Variants in PTPN5 observed in about 807,000 individuals in gnomAD.
The protein encoded by PTPN5 is protein tyrosine phosphatase non-receptor type 5, also known as tyrosine-protein phosphatase non-receptor type 5.
Under a neutral mutation model 73.9 loss-of-function variants are expected in PTPN5, and 29 were observed. The observed-to-expected ratio is 0.39, with a 90% CI of 0.29 to 0.54. PTPN5 has a LOEUF of 0.54. PTPN5 is among the 20% of genes least tolerant of loss of function. The probability of loss-of-function intolerance (pLI) is 0.65; values close to 1 mark genes in which losing one functional copy is unlikely to be tolerated. For missense variants in PTPN5, 652 were observed against 751.4 expected (o/e 0.87, Z 1.55); for synonymous variants, 267 against 304.7 (o/e 0.88, Z 1.29).
intron 2 of PTPN5, among the ~76,000 whole-genome samples, chr11:18,768,815 AAAT>A (rs1171779496): frequency 6.6e-6 from 1 of 152,150 alleles, no homozygotes; most frequent in Non-Finnish European, 1.5e-5. Flanking sequence ...TTTCCAAAGA[AAAT>A]ACATGGCCCA....
intron 9 of PTPN5, among the ~76,000 whole-genome samples, chr11:18,734,300 GT>G (rs1018002740): frequency 6.6e-6 from 1 of 151,844 alleles, no homozygotes; most frequent in Non-Finnish European, 1.5e-5. Context: ...ATGCAAAAAG[GT>G]TTTTTTTCCT....
chr11:18,739,341 G>T (rs769196422), intron 8 of PTPN5, among the ~76,000 whole-genome samples: 1 of 152,206 alleles, frequency 6.6e-6, no homozygotes, highest in African/African-American at 2.4e-5. Context: ...CTCAGAGAAG[G>T]AGCTGAGGCT....
At chr11:18,754,242 G>A (rs1397197287) in intron 3 of PTPN5, among the ~76,000 whole-genome samples, 1 of 152,156 alleles carries the variant, frequency 6.6e-6, no homozygotes. Flanking sequence ...AACAACGAAC[G>A]GAAATTGAGG....
intron 2 of PTPN5, among the ~76,000 whole-genome samples, chr11:18,767,471 A>C (rs1850691881): frequency 6.6e-6 from 1 of 152,124 alleles, no homozygotes; most frequent in Non-Finnish European, 1.5e-5. Context: ...CTCCCTCCCC[A>C]TCTTGGTCCC....
chr11:18,773,440 T>C lies in PTPN5; in HGVS notation c.-113-1369A>G, dbSNP rs555923438. ...CTGAGTGCATAGAGAGGGCTGGATC[T>C]CAGCCTGCAGGGCTTCCGCTGCACC... On this transcript the variant is annotated intron_variant, in intron 1 of 14. Transcript: ENST00000358540. Among the ~76,000 whole-genome samples, 198 of 152,180 alleles carry C rather than the reference T, an allele frequency of 1.3e-3. 1 individual carries two copies. Among genetic ancestry groups the C allele is most frequent in the Non-Finnish European group, 2.4e-3 (161 of 67,994 alleles).
intron 3 of PTPN5, among the ~76,000 whole-genome samples, chr11:18,762,081 G>T (rs78225359): frequency 0.022 from 3,345 of 152,294 alleles, 59 homozygotes; most frequent in Middle Eastern, 0.048. Context: ...TGGGGCATTG[G>T]GGGGAGCTCC....
intron 3 of PTPN5, among the ~76,000 whole-genome samples, chr11:18,754,062 T>C (rs1850016686): frequency 6.6e-6 from 1 of 151,752 alleles, no homozygotes; most frequent in Non-Finnish European, 1.5e-5. Flanking sequence ...AGTAAATAAG[T>C]GAATAAAACT....
At chr11:18,766,785 C>A (rs1355589233) in intron 2 of PTPN5, among the ~76,000 whole-genome samples, 1 of 152,194 alleles carries the variant, frequency 6.6e-6, no homozygotes, top group Non-Finnish European at 1.5e-5. Flanking sequence ...GCCTTGTCTG[C>A]CTTTCATGTC....
At chr11:18,762,103 G>A (rs1398723737) in intron 3 of PTPN5, among the ~76,000 whole-genome samples, 2 of 152,184 alleles carry the variant, frequency 1.3e-5, no homozygotes, top group Non-Finnish European at 2.9e-5. Flanking sequence ...AGGGAGTGTT[G>A]GTGATGCTGA....
intron 3 of PTPN5, chr11:18,749,462 G>T: frequency 4.0e-6 from 2 of 505,372 alleles, no homozygotes; most frequent in Non-Finnish European, 7.8e-6. Flanking sequence ...AGGCAGGGAG[G>T]TCCTATGTCT....
At chr11:18,792,240 G>C (rs1263019068), upstream of PTPN5, 2 of 152,540 alleles carry the variant, frequency 1.3e-5, no homozygotes, top group East Asian at 3.9e-4. Context: ...AGACAAAGGG[G>C]GCAGAGTTGG....
intron 1 of PTPN5, among the ~76,000 whole-genome samples, chr11:18,779,982 G>T (rs569825536): frequency 1.3e-5 from 2 of 152,288 alleles, no homozygotes; most frequent in East Asian, 3.9e-4. Flanking sequence ...GGGAGAGCTT[G>T]GCAGTCCTGG....
At chr11:18,743,884 A>T in intron 4 of PTPN5, 122 bp downstream of exon 4, 2 of 1,169,904 alleles carry the variant, frequency 1.7e-6, no homozygotes, top group South Asian at 3.5e-5. Context: ...GGAGCTCCTG[A>T]GGAACACCAG....
At chr11:18,771,117 T>C (rs568323417) in intron 2 of PTPN5, among the ~76,000 whole-genome samples, 74 of 152,092 alleles carry the variant, frequency 4.9e-4, no homozygotes, top group Non-Finnish European at 9.4e-4. Flanking sequence ...AAGCCAGGAT[T>C]CCTGGGTGTG....
At chr11:18,791,437 T>A (rs1851922551) in intron 1 of PTPN5, 88 bp downstream of exon 1, 1 of 151,662 alleles carries the variant, frequency 6.6e-6, no homozygotes, top group Non-Finnish European at 1.5e-5. Flanking sequence ...GGAGAAGGTG[T>A]CAGTTGCGGG....
chr11:18,733,384 C>A lies in PTPN5; in HGVS notation c.1081-12G>T. On this transcript the variant is annotated splice_polypyrimidine_tract_variant and intron_variant, in intron 10 of 14. Transcript: ENST00000358540. The surrounding 1 kb of genome is among the most constrained non-coding windows in gnomAD (Gnocchi z 4.3). ...TCCCCACCATAGCCCTGCGGCCAGC[C>A]AAGTCCAGGCTGTCAGGGTCAGAGG... 6.2e-7 allele frequency: 1 copy of A among 1,612,050 alleles called. No individual in the cohort carries two copies. The highest frequency in any genetic ancestry group is 8.5e-7 in the Non-Finnish European group (1 of 1,178,270).
At chr11:18,764,698 C>CTTTTT (rs148183190) in intron 3 of PTPN5, among the ~76,000 whole-genome samples, 63 of 151,932 alleles carry the variant, frequency 4.1e-4, no homozygotes, top group African/African-American at 1.5e-3. Flanking sequence ...AAAGACTTGT[C>CTTTTT]TTTGTTTTGT....
rs1043348792 is a variant in PTPN5, at chr11:18,769,693, C to T, written c.20+2246G>A. On this transcript the variant is annotated intron_variant, in intron 2 of 14. Transcript: ENST00000358540. The stretch of plus-strand genomic sequence containing the variant: ...TACTGGGATTACAGGCGTGAGCCAC[C>T]GCGCCCGGCCAGGGACTGGTTTTTA... 5.9e-5 allele frequency among the ~76,000 whole-genome samples: 9 copies of T among 152,336 alleles called. No individual in the cohort carries two copies. The East Asian group carries it at 7.7e-4, about 13-fold the overall frequency.
chr11:18,732,563 G>T, intron 12 of PTPN5, 29 bp downstream of exon 12: 1 of 1,569,738 alleles, frequency 6.4e-7, no homozygotes, highest in African/African-American at 1.3e-5. Flanking sequence ...CTCATCCTCA[G>T]CTTCACCCAG....
Sources: gnomAD v4.1 joint callset for allele counts (sites outside exome capture counted in the v4.1 genomes callset) on GRCh38, gnomAD v4.1.1 for gene constraint, Gnocchi (gnomAD v3.1) non-coding constraint, MANE v1.5 for transcripts, NCBI Gene and HGNC (gene_info 2026-07-23, HGNC 2026-07-21) for gene names.